The following MAP3K5 variants were observed in gnomAD, a reference collection of about 807,000 sequenced individuals.
MAP3K5 encodes the protein mitogen-activated protein kinase kinase kinase 5, also known as ASK-1.
MAP3K5 carries 56 observed loss-of-function variants against 158.7 expected under a neutral mutation model. The observed-to-expected ratio is 0.35, with a 90% CI of 0.28 to 0.44. The LOEUF is 0.44. Ranked by LOEUF, MAP3K5 falls within the 20% of genes least tolerant of loss-of-function variation. MAP3K5 has a pLI of 1.00. For synonymous variants in MAP3K5, 579 were observed against 601.7 expected, an observed-to-expected ratio of 0.96 and a Z score of 0.55; for missense variants, 1,294 against 1,674.8, an observed-to-expected ratio of 0.77 and a Z score of 3.97.
chr6:136,577,514 C>A (rs1774671357), intron 25 of MAP3K5, among the ~76,000 whole-genome samples: 1 of 152,206 alleles, frequency 6.6e-6, no homozygotes, highest in African/African-American at 2.4e-5. Context: ...AGAACAAAGT[C>A]CTTTCTTTAG....
At chr6:136,571,396 C>T (rs1774359019) in intron 25 of MAP3K5, among the ~76,000 whole-genome samples, 1 of 152,142 alleles carries the variant, frequency 6.6e-6, no homozygotes, top group African/African-American at 2.4e-5. Context: ...TGTAACACTC[C>T]CTCCCACTTG....
chr6:136,571,874 A>G (rs569956086), intron 25 of MAP3K5, among the ~76,000 whole-genome samples: 1 of 152,182 alleles, frequency 6.6e-6, no homozygotes, highest in Non-Finnish European at 1.5e-5. Flanking sequence ...ATTCCCAACA[A>G]CAGTGTACAA....
At chr6:136,770,896 G>A (rs1451483250) in intron 1 of MAP3K5, among the ~76,000 whole-genome samples, 1 of 152,098 alleles carries the variant, frequency 6.6e-6, no homozygotes, top group Non-Finnish European at 1.5e-5. Flanking sequence ...ACATAAAACT[G>A]AGGAAAAATA....
At chr6:136,783,143 A>G (rs1315878420) in intron 1 of MAP3K5, among the ~76,000 whole-genome samples, 1 of 152,138 alleles carries the variant, frequency 6.6e-6, no homozygotes, top group Non-Finnish European at 1.5e-5. Flanking sequence ...ATCTCTACAT[A>G]AAAATACAAA....
At chr6:136,607,475 A>G (rs367865702) in intron 18 of MAP3K5, among the ~76,000 whole-genome samples, 19 of 152,190 alleles carry the variant, frequency 1.2e-4, no homozygotes, top group East Asian at 5.8e-4. Flanking sequence ...CCACAAATAC[A>G]TGACACATAA....
intron 1 of MAP3K5, among the ~76,000 whole-genome samples, chr6:136,724,279 TA>T (rs1420051860): frequency 6.6e-6 from 1 of 150,898 alleles, no homozygotes; most frequent in African/African-American, 2.4e-5. Flanking sequence ...GATGGAGTCT[TA>T]CTCTGTCTCC....
Position 136,770,625 on chromosome 6 carries a change from C to T in MAP3K5, c.448+21085G>A, listed in dbSNP as rs1784159815. Among the ~76,000 whole-genome samples, 4 of 152,234 alleles carry T rather than the reference C, an allele frequency of 2.6e-5. No homozygotes were observed. In the South Asian group the frequency reaches 6.2e-4, roughly 24 times the overall value. On this transcript the variant is annotated intron_variant, in intron 1 of 29. Coordinates refer to ENST00000359015, the MANE Select transcript of MAP3K5 (RefSeq NM_005923.4). The stretch of plus-strand genomic sequence containing the variant: ...ATAAAATATAGGCCAGATGCAGTGG[C>T]TCACGCCTGTAATCCCAGTACTTTG...
chr6:136,641,434 G>C (rs1777927908), intron 12 of MAP3K5, among the ~76,000 whole-genome samples: 1 of 152,138 alleles, frequency 6.6e-6, no homozygotes, highest in South Asian at 2.1e-4. Flanking sequence ...TTTGAAATCT[G>C]CAAGAGTTGA....
At chr6:136,573,886 C>T (rs1774477058) in intron 25 of MAP3K5, among the ~76,000 whole-genome samples, 1 of 152,054 alleles carries the variant, frequency 6.6e-6, no homozygotes, top group Non-Finnish European at 1.5e-5. Context: ...ATGGTTACTT[C>T]CCCAGAGGAA....
chr6:136,739,949 G>A lies in MAP3K5; in HGVS notation c.449-19360C>T, dbSNP rs899806984. Reference sequence around the variant, plus strand: ...TGGGCAGTGGCAGCAGGGGCCTGTAGCTGCCAAGAAACTCAGCAGGAGCCC... The same window carrying A: ...TGGGCAGTGGCAGCAGGGGCCTGTAACTGCCAAGAAACTCAGCAGGAGCCC... On this transcript the variant is annotated intron_variant, in intron 1 of 29. Coordinates refer to ENST00000359015, the MANE Select transcript of MAP3K5 (RefSeq NM_005923.4). Among the ~76,000 whole-genome samples, 4 of 152,178 alleles carry A rather than the reference G, an allele frequency of 2.6e-5. No homozygotes were observed. The East Asian group carries it at 7.7e-4, about 29-fold the overall frequency.
chr6:136,613,090 C>T lies in MAP3K5; in HGVS notation c.2415+30G>A, dbSNP rs1776413034. 3 of 1,563,472 alleles carry T rather than the reference C, an allele frequency of 1.9e-6. No homozygotes were observed. Among genetic ancestry groups the T allele is most frequent in the Non-Finnish European group, 2.6e-6 (3 of 1,156,430 alleles). ...AAATAATAACCCAGCAAAGAAAGAA[C>T]TCATGAAAATGAATGCTGGTGTACC... On this transcript the variant is annotated intron_variant, in intron 17 of 29. Coordinates refer to ENST00000359015, the MANE Select transcript of MAP3K5 (RefSeq NM_005923.4). This position sits in a 1 kb window ranked among gnomAD's most constrained non-coding sequence, Gnocchi z 4.0.
rs1344659829 is a variant in MAP3K5 at position 136,737,036 on chromosome 6, T to C, written c.449-16447A>G. On this transcript the variant is annotated intron_variant, in intron 1 of 29. Coordinates refer to ENST00000359015, the MANE Select transcript of MAP3K5 (RefSeq NM_005923.4). ...TTAATTTTACATATATATATGTGTG[T>C]GTATATATATATATATATATAAACT... is the stretch of plus-strand genomic sequence containing the variant. Among the ~76,000 whole-genome samples the C allele has an allele frequency of 3.2e-5, 4 of 124,980 alleles. No individual in the cohort carries two copies. The South Asian group carries it at 7.1e-4, about 22-fold the overall frequency. 82.0% of individuals were successfully genotyped at this position (124,980 alleles called of 152,430 possible). A position where few individuals can be genotyped will look rare whatever the true frequency, so the allele number is the denominator to read the frequency against.
At chr6:136,677,732 G>A (rs1235294929) in intron 7 of MAP3K5, among the ~76,000 whole-genome samples, 1 of 152,194 alleles carries the variant, frequency 6.6e-6, no homozygotes, top group African/African-American at 2.4e-5. Context: ...ACCAAGTCTG[G>A]TGTCAAGGGT....
At chr6:136,774,002 C>G (rs74497241) in intron 1 of MAP3K5, among the ~76,000 whole-genome samples, 7,741 of 152,176 alleles carry the variant, frequency 0.051, 267 homozygotes, top group Middle Eastern at 0.1. Context: ...CTATCATAGG[C>G]CTTCTCTTTA....
In MAP3K5 at chr6:136,567,793, TC is replaced by T; in HGVS notation, c.3598del (p.Glu1200AsnfsTer24). The T allele has an allele frequency of 6.2e-7, 1 of 1,614,110 alleles. No homozygotes were observed. Reference sequence around the variant, plus strand: ...TCGGACAGTTTGATTTGAAGGCTGTTCCTCATGGTCATCTTCTACATCCAAG... The same window carrying T: ...TCGGACAGTTTGATTTGAAGGCTGTTCTCATGGTCATCTTCTACATCCAAG... ...EDLDVEDDHE[E>X]QPSNQTVRRP... is the part of the protein sequence containing the mutation. On this transcript the variant is annotated frameshift_variant, in exon 26 of 30. Transcript: ENST00000359015. LOFTEE classifies it high-confidence loss of function.
At chr6:136,735,542 AT>A (rs1439781960) in intron 1 of MAP3K5, among the ~76,000 whole-genome samples, 5 of 152,228 alleles carry the variant, frequency 3.3e-5, no homozygotes, top group African/African-American at 1.2e-4. Flanking sequence ...AAAATGTAGC[AT>A]GATAGGCCGG....
chr6:136,757,566 GATTT>G (rs1037774774), intron 1 of MAP3K5, among the ~76,000 whole-genome samples: 4 of 120,706 alleles, frequency 3.3e-5, no homozygotes, highest in Admixed American at 7.9e-5. Context: ...TCATTTTATA[GATTT>G]ATTTATTTAT....
At chr6:136,726,375 T>C (rs1323092596) in intron 1 of MAP3K5, among the ~76,000 whole-genome samples, 1 of 152,194 alleles carries the variant, frequency 6.6e-6, no homozygotes, top group Admixed American at 6.5e-5. Flanking sequence ...GGTGGCTCAC[T>C]TGAGGCCAGG....
intron 14 of MAP3K5, among the ~76,000 whole-genome samples, chr6:136,627,880 G>A (rs367603607): frequency 6.6e-6 from 1 of 152,304 alleles, no homozygotes; most frequent in African/African-American, 2.4e-5. Context: ...TGTCATCCTC[G>A]TCTGGACACT....
Sources: allele counts gnomAD v4.1 joint callset (sites outside exome capture counted in the v4.1 genomes callset), GRCh38; gene constraint gnomAD v4.1.1; non-coding constraint Gnocchi (gnomAD v3.1); transcripts MANE v1.5; gene names NCBI Gene and HGNC (gene_info 2026-07-23, HGNC 2026-07-21).